Variants in FBXO34 observed in about 807,000 individuals in gnomAD.
FBXO34 encodes F-box only protein 34.
FBXO34 carries 12 observed loss-of-function variants against 24.5 expected under a neutral mutation model. The observed-to-expected ratio is 0.49, with a 90% CI of 0.31 to 0.79. The LOEUF (loss-of-function observed/expected upper bound fraction) is 0.79, where lower values mean the gene tolerates loss of function less well. Among genes scored for constraint, FBXO34 ranks in the 30% least tolerant of loss-of-function variants. FBXO34 has a pLI of 0.04. For missense variants in FBXO34, 823 were observed against 857.7 expected (o/e 0.96, Z 0.51); for synonymous variants, 320 against 311.9 (o/e 1.03, Z -0.27).
At chr14:55,392,640 C>T in the FBXO34 span, among the ~76,000 whole-genome samples, 13 of 142,238 alleles carry the variant, frequency 9.1e-5, no homozygotes, top group South Asian at 2.9e-3. Flanking sequence ...TATAGCAAGA[C>T]TCCACCTCAA....
intron 1 of FBXO34, among the ~76,000 whole-genome samples, chr14:55,332,699 G>T (rs1221073318): frequency 6.6e-6 from 1 of 152,114 alleles, no homozygotes; most frequent in Non-Finnish European, 1.5e-5. Context: ...TTAAAATGTG[G>T]TATGTTTTGA....
chr14:55,419,492 G>A, the FBXO34 span, among the ~76,000 whole-genome samples: 2 of 152,182 alleles, frequency 1.3e-5, no homozygotes, highest in South Asian at 2.1e-4. Context: ...AAAAAACATG[G>A]GCCCTAAATG....
At chr14:55,437,697 TTAATTA>T in the FBXO34 span, among the ~76,000 whole-genome samples, 2 of 152,226 alleles carry the variant, frequency 1.3e-5, no homozygotes, top group Non-Finnish European at 2.9e-5. Flanking sequence ...ATTATTTAAG[TTAATTA>T]TAAACTTTAG....
intron 1 of FBXO34, among the ~76,000 whole-genome samples, chr14:55,311,481 T>C (rs2139745503): frequency 1.3e-5 from 2 of 152,312 alleles, no homozygotes; most frequent in Admixed American, 1.3e-4. Context: ...CCCAAAGTCT[T>C]AATTCACTCC....
the FBXO34 span, among the ~76,000 whole-genome samples, chr14:55,441,725 C>G: frequency 6.6e-6 from 1 of 152,120 alleles, no homozygotes. Context: ...TGCATAAGAG[C>G]TTAACTGTGT....
intron 1 of FBXO34, among the ~76,000 whole-genome samples, chr14:55,310,007 CA>C (rs1882682675): frequency 6.6e-6 from 1 of 151,350 alleles, no homozygotes; most frequent in African/African-American, 2.4e-5. Context: ...GACTTAGTCA[CA>C]GGCAGAATTG....
At chr14:55,312,495 G>T (rs1228921981) in intron 1 of FBXO34, among the ~76,000 whole-genome samples, 1 of 152,190 alleles carries the variant, frequency 6.6e-6, no homozygotes, top group African/African-American at 2.4e-5. Context: ...CTGTGTGGGG[G>T]CTTCAACCCC....
intron 1 of FBXO34, among the ~76,000 whole-genome samples, chr14:55,308,769 C>T (rs1016371619): frequency 2.0e-5 from 3 of 152,176 alleles, no homozygotes; most frequent in African/African-American, 4.8e-5. Flanking sequence ...ACCAAGAGCT[C>T]TCAGTACCTC....
the FBXO34 span, among the ~76,000 whole-genome samples, chr14:55,407,213 C>T: frequency 6.6e-6 from 1 of 152,190 alleles, no homozygotes; most frequent in Non-Finnish European, 1.5e-5. Context: ...ACTGCAACCT[C>T]CGCCTCCCGG....
chr14:55,330,549 G>T (rs185751945), intron 1 of FBXO34, among the ~76,000 whole-genome samples: 58 of 152,116 alleles, frequency 3.8e-4, no homozygotes, highest in Admixed American at 2.4e-3. Context: ...TCTGGGAGGC[G>T]GAGGTGGGAG....
At position 55,352,356 on chromosome 14, in the gene FBXO34, C is replaced by T. The variant is rs746109098; in HGVS notation, c.1966C>T (p.Gln656Ter). 6.2e-7 allele frequency: 1 copy of T among 1,614,210 alleles called. No individual in the cohort carries two copies. Among genetic ancestry groups the T allele is most frequent in the South Asian group, 1.1e-5 (1 of 91,084 alleles). The change falls in exon 2 of 2, where the codon CAG (glutamine) becomes TAG (stop). Residue 656 changes from glutamine to a stop codon, truncating the protein, a stop_gained. Coordinates refer to ENST00000313833, the MANE Select transcript of FBXO34 (RefSeq NM_017943.4). LOFTEE classifies it high-confidence loss of function. ...LCRWHPKPYC[Q>*]ALPYGPGYWM... Reference sequence around the variant, plus strand: ...CCGATGGCACCCCAAGCCCTATTGCCAGGCATTGCCCTATGGGCCAGGGTA... The same window carrying T: ...CCGATGGCACCCCAAGCCCTATTGCTAGGCATTGCCCTATGGGCCAGGGTA...
the FBXO34 span, among the ~76,000 whole-genome samples, chr14:55,441,300 C>T: frequency 1.3e-5 from 2 of 152,170 alleles, no homozygotes; most frequent in Non-Finnish European, 2.9e-5. Flanking sequence ...GGTGCCACCA[C>T]GCCTGGCTAA....
chr14:55,327,579 A>G (rs930363453), intron 1 of FBXO34, among the ~76,000 whole-genome samples: 1 of 152,154 alleles, frequency 6.6e-6, no homozygotes, highest in Non-Finnish European at 1.5e-5. Context: ...AGCATTAGCT[A>G]TTGGGAAAAA....
intron 1 of FBXO34, among the ~76,000 whole-genome samples, chr14:55,290,370 G>A (rs1167515852): frequency 6.6e-6 from 1 of 151,046 alleles, no homozygotes; most frequent in East Asian, 1.9e-4. Flanking sequence ...CAAGCCTGGG[G>A]GCAAGAGTGA....
chr14:55,383,635 G>A, the FBXO34 span, among the ~76,000 whole-genome samples: 1 of 151,902 alleles, frequency 6.6e-6, no homozygotes, highest in Non-Finnish European at 1.5e-5. Context: ...CCATCATGAT[G>A]ACTCATGCCT....
the FBXO34 span, among the ~76,000 whole-genome samples, chr14:55,388,937 G>T: frequency 2.0e-4 from 31 of 152,106 alleles, no homozygotes; most frequent in African/African-American, 7.5e-4. Flanking sequence ...TACAGAGTAA[G>T]CACGTTGAAG....
At chr14:55,285,008 A>G (rs1881708586) in intron 1 of FBXO34, among the ~76,000 whole-genome samples, 1 of 149,668 alleles carries the variant, frequency 6.7e-6, no homozygotes. Context: ...TAAAATGCAG[A>G]GAACATTCTC....
chr14:55,403,519 A>C, the FBXO34 span, among the ~76,000 whole-genome samples: 2,100 of 152,308 alleles, frequency 0.014, 57 homozygotes, highest in African/African-American at 0.048. Context: ...AAACAGAAAA[A>C]TAAAAGGGAT....
downstream of FBXO34, among the ~76,000 whole-genome samples, chr14:55,362,487 C>A (rs1248879175): frequency 3.3e-5 from 5 of 152,044 alleles, no homozygotes; most frequent in African/African-American, 1.2e-4. Flanking sequence ...TGTAAAAAAC[C>A]CACGGAGAGG....
Sources: allele counts gnomAD v4.1 joint callset (sites outside exome capture counted in the v4.1 genomes callset), GRCh38; gene constraint gnomAD v4.1.1; transcripts MANE v1.5; gene names NCBI Gene and HGNC (gene_info 2026-07-23, HGNC 2026-07-21).